LINGO2: variants seen among roughly 807,000 people sequenced by gnomAD.
LINGO2 encodes leucine-rich repeat and immunoglobulin-like domain-containing nogo receptor-interacting protein 2.
LINGO2 carries 14 observed loss-of-function variants against 30.6 expected under a neutral mutation model. That is an observed-to-expected ratio of 0.46 (90% CI 0.30 to 0.72). LINGO2 has a LOEUF of 0.72. Among genes scored for constraint, LINGO2 ranks in the 30% least tolerant of loss-of-function variants. The probability of loss-of-function intolerance (pLI) is 0.07; values close to 1 mark genes in which losing one functional copy is unlikely to be tolerated. For missense variants in LINGO2, 729 were observed against 751.7 expected, an observed-to-expected ratio of 0.97 and a Z score of 0.35; for synonymous variants, 317 against 288.5, an observed-to-expected ratio of 1.10 and a Z score of -1.00.
chr9:28,563,022 T>C (rs1694546266), intron 1 of LINGO2, among the ~76,000 whole-genome samples: 1 of 152,000 alleles, frequency 6.6e-6, no homozygotes, highest in South Asian at 2.1e-4. Context: ...AATTTTTGTA[T>C]TTTTAGTAGA....
intron 1 of LINGO2, among the ~76,000 whole-genome samples, chr9:28,549,046 G>A (rs974959563): frequency 1.3e-5 from 2 of 151,926 alleles, no homozygotes; most frequent in African/African-American, 4.8e-5. Context: ...ATATTAACCT[G>A]TATACAGTTC....
intron 5 of LINGO2, among the ~76,000 whole-genome samples, chr9:27,984,635 A>G (rs894814339): frequency 3.3e-5 from 5 of 151,836 alleles, no homozygotes; most frequent in African/African-American, 4.8e-5. Flanking sequence ...GAAAATCAGC[A>G]TAATATTTAA....
At chr9:28,191,543 G>T (rs2133776758) in intron 4 of LINGO2, among the ~76,000 whole-genome samples, 1 of 151,904 alleles carries the variant, frequency 6.6e-6, no homozygotes, top group East Asian at 1.9e-4. Context: ...CTTCTTGAAG[G>T]CCTCCCTCCC....
intron 4 of LINGO2, among the ~76,000 whole-genome samples, chr9:28,179,516 T>G (rs1375600210): frequency 1.9e-5 from 2 of 106,244 alleles, no homozygotes; most frequent in African/African-American, 3.6e-5. Context: ...CTATATATAG[T>G]TTATATATAT....
At chr9:28,178,575 T>C (rs1021756436) in intron 4 of LINGO2, among the ~76,000 whole-genome samples, 4 of 152,156 alleles carry the variant, frequency 2.6e-5, no homozygotes, top group Non-Finnish European at 5.9e-5. Context: ...AAAGCTTTGG[T>C]GATAACAGGA....
chr9:28,709,415 GT>G, the LINGO2 span, among the ~76,000 whole-genome samples: 7 of 151,864 alleles, frequency 4.6e-5, no homozygotes, highest in African/African-American at 1.2e-4. Context: ...ATGGTTTGTT[GT>G]TTTTTGAATT....
the LINGO2 span, among the ~76,000 whole-genome samples, chr9:29,115,813 C>T: frequency 3.3e-5 from 5 of 151,942 alleles, no homozygotes; most frequent in African/African-American, 1.2e-4. Flanking sequence ...ATTTTCAGAA[C>T]ACAGCTGCTT....
chr9:28,681,130 T>A, the LINGO2 span, among the ~76,000 whole-genome samples: 1 of 152,142 alleles, frequency 6.6e-6, no homozygotes, highest in South Asian at 2.1e-4. Flanking sequence ...TAGTGTTGGA[T>A]AAGGGTCTAA....
At chr9:28,826,525 G>C in the LINGO2 span, among the ~76,000 whole-genome samples, 4 of 152,092 alleles carry the variant, frequency 2.6e-5, no homozygotes, top group African/African-American at 4.8e-5. Flanking sequence ...AAAAGCCTCA[G>C]TCTTGTTAAA....
At chr9:29,041,918 T>C in the LINGO2 span, among the ~76,000 whole-genome samples, 1 of 151,934 alleles carries the variant, frequency 6.6e-6, no homozygotes. Context: ...AGAACTGGTG[T>C]TAGAATATAT....
intron 4 of LINGO2, among the ~76,000 whole-genome samples, chr9:28,040,804 C>T (rs371082536): frequency 1.3e-5 from 2 of 152,142 alleles, no homozygotes; most frequent in African/African-American, 4.8e-5. Flanking sequence ...GTATTTTGAA[C>T]CCAGGGGTGT....
At chr9:28,228,697 C>A (rs1486153496) in intron 4 of LINGO2, among the ~76,000 whole-genome samples, 1 of 151,658 alleles carries the variant, frequency 6.6e-6, no homozygotes, top group Non-Finnish European at 1.5e-5. Flanking sequence ...AAAGTTAAAT[C>A]TAAACAATCA....
At chr9:28,506,467 CACACACACACACATACACAT>C (rs1266609875) in intron 1 of LINGO2, among the ~76,000 whole-genome samples, 102 of 7,348 alleles carry the variant, frequency 0.014, 3 homozygotes, top group African/African-American at 0.016. Flanking sequence ...TACACATACA[CACACACACACACATACACAT>C]ACACACACAC....
At chr9:29,008,330 T>C in the LINGO2 span, among the ~76,000 whole-genome samples, 1 of 152,176 alleles carries the variant, frequency 6.6e-6, no homozygotes, top group Non-Finnish European at 1.5e-5. Flanking sequence ...CTATCATTGA[T>C]AGATATTTGG....
chr9:29,056,533 T>C, the LINGO2 span, among the ~76,000 whole-genome samples: 1 of 152,178 alleles, frequency 6.6e-6, no homozygotes, highest in African/African-American at 2.4e-5. Flanking sequence ...TTTCTCCCAC[T>C]CTGTGGGTTG....
At chr9:29,101,009 C>T in the LINGO2 span, among the ~76,000 whole-genome samples, 1 of 152,152 alleles carries the variant, frequency 6.6e-6, no homozygotes, top group Non-Finnish European at 1.5e-5. Context: ...AATGACAAGG[C>T]TCAGATTCAT....
chr9:27,975,130 T>C (rs1350726587), intron 5 of LINGO2, among the ~76,000 whole-genome samples: 1 of 152,060 alleles, frequency 6.6e-6, no homozygotes, highest in Non-Finnish European at 1.5e-5. Context: ...GAAATAAATA[T>C]TTAGATCTTT....
the LINGO2 span, among the ~76,000 whole-genome samples, chr9:29,146,754 C>T: frequency 1.3e-5 from 2 of 152,144 alleles, no homozygotes; most frequent in East Asian, 1.9e-4. Context: ...TTATAATGGA[C>T]TGTCAAAGTG....
the LINGO2 span, among the ~76,000 whole-genome samples, chr9:28,904,456 A>T: frequency 6.6e-6 from 1 of 151,946 alleles, no homozygotes; most frequent in Non-Finnish European, 1.5e-5. Context: ...TATATAAAAA[A>T]CTTAAGACTC....
Sources: allele counts gnomAD v4.1 joint callset (sites outside exome capture counted in the v4.1 genomes callset), GRCh38; gene constraint gnomAD v4.1.1; transcripts MANE v1.5; gene names NCBI Gene and HGNC (gene_info 2026-07-23, HGNC 2026-07-21).